The following POR variants were observed in gnomAD, a reference collection of about 807,000 sequenced individuals.
POR encodes the protein NADPH--cytochrome P450 reductase.
Under a neutral mutation model 84.0 loss-of-function variants are expected in POR, and 56 were observed. That is an observed-to-expected ratio of 0.67 (90% CI 0.54 to 0.83). POR has a LOEUF of 0.83. Among genes scored for constraint, POR ranks in the 40% least tolerant of loss-of-function variants. The probability of loss-of-function intolerance (pLI) is 0.00; values close to 1 mark genes in which losing one functional copy is unlikely to be tolerated. For missense variants in POR, 938 were observed against 944.3 expected, an observed-to-expected ratio of 0.99 and a Z score of 0.09; for synonymous variants, 414 against 400.5, an observed-to-expected ratio of 1.03 and a Z score of -0.40.
intron 1 of POR, among the ~76,000 whole-genome samples, chr7:75,927,485 C>CA (rs1170122968): frequency 4.0e-5 from 6 of 151,782 alleles, no homozygotes; most frequent in Non-Finnish European, 7.4e-5. Context: ...AAAAAAACCC[C>CA]AAAAAACAAA....
intron 1 of POR, among the ~76,000 whole-genome samples, chr7:75,928,402 G>A (rs1321202163): frequency 6.6e-6 from 1 of 152,216 alleles, no homozygotes; most frequent in African/African-American, 2.4e-5. Context: ...TGTTCACTGC[G>A]TGTTTCTGGG....
intron 1 of POR, among the ~76,000 whole-genome samples, chr7:75,931,452 C>T (rs944414905): frequency 4.0e-5 from 6 of 151,866 alleles, no homozygotes; most frequent in Non-Finnish European, 8.8e-5. Context: ...CTGCAACCTC[C>T]ACCTCCCAGG....
At position 75,985,801 on chromosome 7, in the gene POR, GCA is replaced by G; in HGVS notation, c.1623_1624del (p.Pro542LeufsTer32). On this transcript the variant is annotated frameshift_variant, in exon 13 of 16. Transcript: ENST00000461988. LOFTEE classifies it high-confidence loss of function. ...CATGGTGGGCCCCGGCACCGGGGTG[GCA>G]CCCTTCATAGGCTTCATCCAGGAGC... is the stretch of plus-strand genomic sequence containing the variant. The G allele has an allele frequency of 6.4e-7, 1 of 1,565,654 alleles. No individual in the cohort carries two copies. Among genetic ancestry groups the G allele is most frequent in the Non-Finnish European group, 8.7e-7 (1 of 1,155,474 alleles).
At position 75,983,525 on chromosome 7, in the gene POR, T is replaced by C. The variant is rs1789192487; in HGVS notation, c.836T>C (p.Phe279Ser). 1.2e-6 allele frequency: 2 copies of C among 1,612,402 alleles called. No individual in the cohort carries two copies. Among genetic ancestry groups the C allele is most frequent in the African/African-American group, 2.7e-5 (2 of 74,898 alleles). Residue 279 changes from phenylalanine to serine, a missense_variant, in exon 9 of 16, where the codon TTT becomes TCT. Physicochemically the swap from Phe to Ser is radical, Grantham distance 155. Transcript: ENST00000461988. ...CTTCTCTCCTCCCCACCCAGCCCCT[T>C]TGATGCCAAGAATCCGTTCCTGGCT...
chr7:75,979,108 TGTAA>T (rs1355191504), intron 3 of POR, among the ~76,000 whole-genome samples: 2 of 152,260 alleles, frequency 1.3e-5, no homozygotes, highest in African/African-American at 4.8e-5. Flanking sequence ...CATCCTTGGA[TGTAA>T]GTATCTATGG....
intron 1 of POR, among the ~76,000 whole-genome samples, chr7:75,937,976 G>A (rs1243588314): frequency 1.3e-5 from 2 of 152,190 alleles, no homozygotes; most frequent in Non-Finnish European, 2.9e-5. Flanking sequence ...AAGGAGCCAA[G>A]GCCGCAGAGA....
chr7:75,974,524 C>CTTTTTTTTTT (rs1238804117), intron 3 of POR, among the ~76,000 whole-genome samples: 1 of 107,914 alleles, frequency 9.3e-6, no homozygotes, highest in Non-Finnish European at 1.8e-5. Context: ...TTTTTCTTTT[C>CTTTTTTTTTT]TTTTTTTTTT....
chr7:75,961,355 GC>G (rs1787933504), intron 2 of POR, among the ~76,000 whole-genome samples: 1 of 150,870 alleles, frequency 6.6e-6, no homozygotes, highest in African/African-American at 2.4e-5. Context: ...CTGAGCAGCG[GC>G]CCCATTCTGC....
In POR at chr7:75,966,609, G is replaced by T. The variant is rs147721161; in HGVS notation, c.189-5804G>T. On this transcript the variant is annotated intron_variant, in intron 2 of 15. Transcript: ENST00000461988. ...AGCTGGTCCAAAGCAGCTTCCCCAT[G>T]TGTTGCTAAGGGCAGGGGACAGTCT... Among the ~76,000 whole-genome samples, 208 of 152,318 alleles carry T rather than the reference G, an allele frequency of 1.4e-3. 8 individuals are homozygous for T. In the South Asian group the frequency reaches 0.038, roughly 28 times the overall value.
At chr7:75,969,548 C>CA (rs1788341159) in intron 2 of POR, among the ~76,000 whole-genome samples, 1 of 152,214 alleles carries the variant, frequency 6.6e-6, no homozygotes, top group Non-Finnish European at 1.5e-5. Context: ...GCCAGGCACT[C>CA]ACGGGGCACT....
At chr7:75,948,742 T>C (rs1440653223) in intron 1 of POR, among the ~76,000 whole-genome samples, 2 of 152,240 alleles carry the variant, frequency 1.3e-5, no homozygotes, top group African/African-American at 4.8e-5. Flanking sequence ...GCTCATTATA[T>C]GCCAGTCTGT....
intron 5 of POR, 33 bp downstream of exon 5, chr7:75,980,521 G>T (rs202109427): frequency 6.2e-7 from 1 of 1,612,692 alleles, no homozygotes; most frequent in Non-Finnish European, 8.5e-7. Context: ...TGGGCTCCCG[G>T]TGGCCTGCGG....
At chr7:75,937,505 G>A (rs144729476) in intron 1 of POR, among the ~76,000 whole-genome samples, 10 of 147,212 alleles carry the variant, frequency 6.8e-5, no homozygotes, top group South Asian at 2.1e-4. Context: ...AAAGAAGGCC[G>A]TGTTTGGTGG....
chr7:75,928,567 T>A (rs1160072799), intron 1 of POR, among the ~76,000 whole-genome samples: 1 of 152,038 alleles, frequency 6.6e-6, no homozygotes, highest in African/African-American at 2.4e-5. Context: ...AGTTGAACAT[T>A]GAGATGGTGG....
At chr7:75,982,675 G>A (rs1235004311) in intron 8 of POR, among the ~76,000 whole-genome samples, 1 of 151,994 alleles carries the variant, frequency 6.6e-6, no homozygotes, top group Admixed American at 6.6e-5. Context: ...GAGAAACCTG[G>A]CGTTCCTCTC....
At chr7:75,916,622 C>T (rs142121055) in intron 1 of POR, among the ~76,000 whole-genome samples, 73 of 152,288 alleles carry the variant, frequency 4.8e-4, no homozygotes, top group African/African-American at 1.7e-3. Context: ...ATTTGTACAA[C>T]ATCCGCATTT....
At chr7:75,924,637 T>C (rs1807032467) in intron 1 of POR, among the ~76,000 whole-genome samples, 1 of 151,614 alleles carries the variant, frequency 6.6e-6, no homozygotes. Context: ...CCCAGGGAGG[T>C]TGAGGCTGCA....
intron 1 of POR, among the ~76,000 whole-genome samples, chr7:75,951,545 G>A (rs1354992563): frequency 5.3e-5 from 8 of 152,204 alleles, no homozygotes; most frequent in Non-Finnish European, 5.9e-5. Context: ...GCAGTAGACC[G>A]ATGCCCACAA....
rs782396207 is a variant in POR at position 75,983,742 on chromosome 7, G to C, written c.952G>C (p.Glu318Gln). The change falls in exon 10 of 16, where the codon GAA (glutamate) becomes CAA (glutamine). Residue 318 changes from glutamate (E) to glutamine (Q), a missense_variant. Physicochemically the swap from Glu to Gln is conservative, Grantham distance 29. Coordinates refer to ENST00000461988, the MANE Select transcript of POR (RefSeq NM_000941.3). ...GAGCCTCACATCTCCCTCCAGGTAT[G>C]AATCTGGGGACCACGTGGCTGTGTA... The C allele has an allele frequency of 6.2e-7, 1 of 1,611,878 alleles. No homozygotes were observed. The highest frequency in any genetic ancestry group is 1.3e-5 in the African/African-American group (1 of 74,898).
Sources: gnomAD v4.1 joint callset for allele counts (sites outside exome capture counted in the v4.1 genomes callset) on GRCh38, gnomAD v4.1.1 for gene constraint, MANE v1.5 for transcripts, NCBI Gene and HGNC (gene_info 2026-07-23, HGNC 2026-07-21) for gene names.